The following ABCC2 variants were observed in gnomAD, a reference collection of about 807,000 sequenced individuals.
ABCC2 encodes the protein ATP-binding cassette sub-family C member 2.
Under a neutral mutation model 173.4 loss-of-function variants are expected in ABCC2, and 157 were observed. The observed-to-expected ratio is 0.91, with a 90% CI of 0.80 to 1.03. The LOEUF is 1.03. ABCC2 is among the 50% of genes least tolerant of loss of function. The pLI is 0.00. For missense variants in ABCC2, 1,822 were observed against 1,852.3 expected, an observed-to-expected ratio of 0.98 and a Z score of 0.30; for synonymous variants, 657 against 693.5, an observed-to-expected ratio of 0.95 and a Z score of 0.83.
rs2038984092 is a variant in ABCC2, at chr10:99,844,217, G to A, written c.3844-105G>A. On this transcript the variant is annotated intron_variant, in intron 27 of 31. Coordinates refer to ENST00000647814, the MANE Select transcript of ABCC2 (RefSeq NM_000392.5). ...TAAATGCAGAGGCCATTAGGTAGCTGGGACACTGCTACCCTTCTCCTGTTC... is the reference window on the plus strand; with the variant it reads ...TAAATGCAGAGGCCATTAGGTAGCTAGGACACTGCTACCCTTCTCCTGTTC... 2.1e-6 allele frequency: 3 copies of A among 1,402,676 alleles called. No individual in the cohort carries two copies. In the South Asian group the frequency reaches 3.5e-5, roughly 16 times the overall value. The allele number at this position is 1,402,676 out of a possible 1,614,324, so 86.9% of individuals were successfully genotyped here.
At chr10:99,800,665 C>A in intron 9 of ABCC2, 102 bp downstream of exon 9, 1 of 1,344,488 alleles carries the variant, frequency 7.4e-7, no homozygotes, top group South Asian at 1.2e-5. Flanking sequence ...TAACTTATCT[C>A]AACACTTAAT....
At chr10:99,830,926 A>G in intron 21 of ABCC2, 75 bp downstream of exon 21, 1 of 1,538,680 alleles carries the variant, frequency 6.5e-7, no homozygotes, top group Non-Finnish European at 9.0e-7. Flanking sequence ...GTTCAGTGAA[A>G]ATTGAACGCA....
At chr10:99,800,632 T>C in intron 9 of ABCC2, 69 bp downstream of exon 9, 1 of 1,550,384 alleles carries the variant, frequency 6.5e-7, no homozygotes, top group African/African-American at 1.4e-5. Context: ...ATTCCAAGGT[T>C]GAGGAAAATG....
chr10:99,813,513 C>T (rs1405003132), intron 16 of ABCC2, among the ~76,000 whole-genome samples: 4 of 152,074 alleles, frequency 2.6e-5, no homozygotes, highest in African/African-American at 4.8e-5. Context: ...GTCAGGAGTT[C>T]GAGACCAGCC....
intron 16 of ABCC2, among the ~76,000 whole-genome samples, chr10:99,814,468 T>C (rs1379477844): frequency 6.7e-5 from 1 of 14,832 alleles, no homozygotes; most frequent in Non-Finnish European, 1.1e-4. Context: ...CATACACACA[T>C]ATGTGTGTAT....
At chr10:99,805,694 A>G (rs2038088248) in intron 11 of ABCC2, among the ~76,000 whole-genome samples, 1 of 152,176 alleles carries the variant, frequency 6.6e-6, no homozygotes. Context: ...GTAGAAAAGT[A>G]GAGACTATCA....
intron 16 of ABCC2, among the ~76,000 whole-genome samples, chr10:99,814,222 T>C (rs1345254027): frequency 1.9e-5 from 1 of 53,942 alleles, no homozygotes; most frequent in Non-Finnish European, 3.7e-5. Context: ...TGTGTATATA[T>C]ACACACATGT....
At position 99,843,885 on chromosome 10, in the gene ABCC2, A is replaced by C. The variant is rs1456700150; in HGVS notation, c.3828A>C (p.Thr1276=). ...CTGTTGAGCGAATAACTGAGTACAC[A>C]AAAGTGGAAAATGAGGTAAGGAGGA... ...IVAVERITEY[T]KVENEAPWVT... The change falls in exon 27 of 32, where the codon ACA becomes ACC. Residue 1276 remains threonine, a synonymous_variant. Transcript: ENST00000647814. 5 of 1,614,114 alleles carry C rather than the reference A, an allele frequency of 3.1e-6. No individual in the cohort carries two copies. In the East Asian group the frequency reaches 6.7e-5, roughly 22 times the overall value.
chr10:99,826,401 C>T lies in ABCC2; in HGVS notation c.2621-3906C>T, dbSNP rs201290413. ...TGCCATCAACTCCACTATGACCTTA[C>T]GGGCTTTTTCATTGGCAATTGACTT... On this transcript the variant is annotated intron_variant, in intron 19 of 31. Coordinates refer to ENST00000647814, the MANE Select transcript of ABCC2 (RefSeq NM_000392.5). 6.9e-3 allele frequency among the ~76,000 whole-genome samples: 980 copies of T among 141,158 alleles called. 4 individuals carry two copies. The highest frequency in any genetic ancestry group is 0.025 in the African/African-American group (907 of 36,964). The allele number at this position is 141,158 out of a possible 152,430, so 92.6% of individuals were successfully genotyped here.
At position 99,830,728 on chromosome 10, in the gene ABCC2, T is replaced by C; in HGVS notation, c.2760T>C (p.Asn920=). 6.2e-7 allele frequency: 1 copy of C among 1,614,086 alleles called. No individual in the cohort carries two copies. The highest frequency in any genetic ancestry group is 1.3e-5 in the African/African-American group (1 of 75,010). Residue 920 remains asparagine (N), a synonymous_variant, in exon 21 of 32, where the codon AAT becomes AAC. Transcript: ENST00000647814. Reference sequence around the variant, plus strand: ...TTCCCTCTCTCAGTTCTAGGTCCAATGGCAGGCATCTGAAGTCCCTGAGAA... The same window carrying C: ...TTCCCTCTCTCAGTTCTAGGTCCAACGGCAGGCATCTGAAGTCCCTGAGAA... The part of the protein sequence containing the change: ...RRTLSRSSRS[N]GRHLKSLRNS...
intron 16 of ABCC2, among the ~76,000 whole-genome samples, chr10:99,814,211 A>ATGTGTATATATACACACG (rs2038288869): frequency 6.1e-5 from 3 of 49,184 alleles, no homozygotes; most frequent in East Asian, 8.6e-4. Context: ...ATATACACAC[A>ATGTGTATATATACACACG]TGTGTATATA....
At chr10:99,787,458 TGG>T (rs34463485) in intron 2 of ABCC2, among the ~76,000 whole-genome samples, 1,902 of 148,324 alleles carry the variant, frequency 0.013, 50 homozygotes, top group African/African-American at 0.045. Flanking sequence ...CCCCTTTTTT[TGG>T]GGGGACGGAG....
At chr10:99,806,880 C>T (rs919034475) in intron 11 of ABCC2, among the ~76,000 whole-genome samples, 28 of 152,216 alleles carry the variant, frequency 1.8e-4, no homozygotes, top group African/African-American at 5.3e-4. Flanking sequence ...CTTGTTAATT[C>T]TCCACACAGA....
intron 7 of ABCC2, chr10:99,797,570 A>C: frequency 1.9e-6 from 1 of 527,922 alleles, no homozygotes; most frequent in Non-Finnish European, 3.4e-6. Flanking sequence ...CGTGGTTTTG[A>C]AAAAAATAAT....
chr10:99,806,077 C>CTCTCTCTCTGTGTGTGTGTGTGTG (rs10644836), intron 11 of ABCC2, among the ~76,000 whole-genome samples: 1 of 148,148 alleles, frequency 6.8e-6, no homozygotes, highest in African/African-American at 2.5e-5. Flanking sequence ...CTCTCTCTGT[C>CTCTCTCTCTGTGTGTGTGTGTGTG]TGTGTGTGTG....
intron 12 of ABCC2, 58 bp from the exon 13 acceptor site, chr10:99,808,025 G>A: frequency 6.3e-7 from 1 of 1,594,128 alleles, no homozygotes; most frequent in Non-Finnish European, 8.6e-7. Context: ...CTGAAACTTA[G>A]CACAATGCTG....
intron 11 of ABCC2, among the ~76,000 whole-genome samples, chr10:99,807,170 T>C (rs2038123807): frequency 6.6e-6 from 1 of 152,256 alleles, no homozygotes; most frequent in Non-Finnish European, 1.5e-5. Flanking sequence ...TTAGTCATAC[T>C]AAGGTTGTTA....
In ABCC2 at chr10:99,811,544, A is replaced by G. The variant is rs763980664; in HGVS notation, c.1909A>G (p.Met637Val). ...IRHDCNFDKA[M>V]QFSEASFTWE... Reference sequence around the variant, plus strand: ...GGGCTTTTTCTCAACAGACAAAGCCATGCAGTTTTCTGAGGCCTCCTTTAC... The same window carrying G: ...GGGCTTTTTCTCAACAGACAAAGCCGTGCAGTTTTCTGAGGCCTCCTTTAC... Residue 637 changes from methionine (M) to valine (V), a missense_variant, in exon 15 of 32, where the codon ATG becomes GTG. Transcript: ENST00000647814. 11 of 1,613,998 alleles carry G rather than the reference A, an allele frequency of 6.8e-6. No homozygotes were observed. The highest frequency in any genetic ancestry group is 6.6e-5 in the South Asian group (6 of 91,084).
rs1208904735 is a variant in ABCC2, at chr10:99,804,116, A to G, written c.1307A>G (p.Asn436Ser). Residue 436 changes from asparagine to serine, a missense_variant, in exon 10 of 32, where the codon AAC becomes AGC. By Grantham distance (46) the Asn-to-Ser change is conservative. Transcript: ENST00000647814. ...GCCCAGAAGCTCATGGATGTGACCA[A>G]CTTCATGCACATGCTGTGGTCAAGT... The part of the protein sequence containing the change: ...VDAQKLMDVT[N>S]FMHMLWSSVL... 2 of 1,613,992 alleles carry G rather than the reference A, an allele frequency of 1.2e-6. No individual in the cohort carries two copies. The highest frequency in any genetic ancestry group is 1.7e-6 in the Non-Finnish European group (2 of 1,180,020).
Sources: gnomAD v4.1 joint callset for allele counts (sites outside exome capture counted in the v4.1 genomes callset) on GRCh38, gnomAD v4.1.1 for gene constraint, MANE v1.5 for transcripts, NCBI Gene and HGNC (gene_info 2026-07-23, HGNC 2026-07-21) for gene names.